Variants in ZNF215 observed in about 807,000 individuals in gnomAD.
The protein encoded by ZNF215 is BWSCR2-associated zinc finger protein 2.
ZNF215 carries 24 observed loss-of-function variants against 27.2 expected under a neutral mutation model. That is an observed-to-expected ratio of 0.88 (90% confidence interval 0.64 to 1.24). The LOEUF (loss-of-function observed/expected upper bound fraction) is 1.24. ZNF215 is among the 50% of genes most tolerant of loss of function. The pLI, the probability that ZNF215 is intolerant of heterozygous loss-of-function variation, is 0.00. For missense variants in ZNF215, 675 were observed against 605.7 expected, an observed-to-expected ratio of 1.11 and a Z score of -1.20; for synonymous variants, 210 against 204.0, an observed-to-expected ratio of 1.03 and a Z score of -0.25.
rs566211192 is a variant in ZNF215 at position 6,954,616 on chromosome 11, G to A, written c.713-1074G>A. ...CGCAGTATTAGGGTGGGAGTGACCC[G>A]ATTTTCCAGGTGCCATCTGTCACCC... is the stretch of plus-strand genomic sequence containing the variant. On this transcript the variant is annotated intron_variant, in intron 6 of 6. Coordinates refer to ENST00000278319, the MANE Select transcript of ZNF215 (RefSeq NM_013250.4). Among the ~76,000 whole-genome samples, 9 of 152,312 alleles carry A rather than the reference G, an allele frequency of 5.9e-5. No individual in the cohort carries two copies. The East Asian group carries it at 1.2e-3, about 20-fold the overall frequency.
chr11:6,965,536 G>C (rs542612107), intron 5 of ZNF215, among the ~76,000 whole-genome samples: 1 of 152,058 alleles, frequency 6.6e-6, no homozygotes, highest in Non-Finnish European at 1.5e-5. Flanking sequence ...TAAAAATACT[G>C]TGTCTTGCAA....
intron 6 of ZNF215, among the ~76,000 whole-genome samples, chr11:6,943,902 T>C (rs950774561): frequency 2.0e-5 from 3 of 151,542 alleles, no homozygotes; most frequent in Admixed American, 1.3e-4. Flanking sequence ...TCCTCATCTG[T>C]AACATAGAGT....
At chr11:6,959,022 C>G (rs1366243743), downstream of ZNF215, among the ~76,000 whole-genome samples, 2 of 152,122 alleles carry the variant, frequency 1.3e-5, no homozygotes, top group African/African-American at 4.8e-5. Context: ...TTGGCAACAC[C>G]CTCACAGTCA....
intron 5 of ZNF215, among the ~76,000 whole-genome samples, chr11:6,978,057 C>G (rs1214132905): frequency 6.6e-6 from 1 of 151,988 alleles, no homozygotes; most frequent in Admixed American, 6.6e-5. Context: ...TTCTAACTAA[C>G]ATTACTAAGC....
intron 5 of ZNF215, among the ~76,000 whole-genome samples, chr11:6,965,933 G>A (rs1850609888): frequency 6.6e-6 from 1 of 152,122 alleles, no homozygotes; most frequent in South Asian, 2.1e-4. Flanking sequence ...AATTAGGTGA[G>A]TTGGAAAGTT....
chr11:6,934,675 A>G (rs1210607855), intron 3 of ZNF215, among the ~76,000 whole-genome samples: 2 of 152,192 alleles, frequency 1.3e-5, no homozygotes, highest in Non-Finnish European at 2.9e-5. Context: ...ACCACACTGG[A>G]AAAGGTTCCT....
At position 6,955,772 on chromosome 11, in the gene ZNF215, T is replaced by C; in HGVS notation, c.795T>C (p.Asp265=). The C allele has an allele frequency of 6.2e-7, 1 of 1,612,128 alleles. No individual in the cohort carries two copies. Among genetic ancestry groups the C allele is most frequent in the East Asian group, 2.2e-5 (1 of 44,858 alleles). The change falls in exon 7 of 7, where the codon GAT becomes GAC. Residue 265 remains aspartate, a synonymous_variant. Coordinates refer to ENST00000278319, the MANE Select transcript of ZNF215 (RefSeq NM_013250.4). ...CCGAAAGTGGACACCCTTCTTCAGA[T>C]GCCTGGAAAGGTGAGAATTGGTTAT... ...RLTESGHPSS[D]AWKGENWLYR...
rs2133303854 is a variant in ZNF215 at position 6,956,740 on chromosome 11, T to G, written c.*209T>G. On this transcript the variant is annotated 3_prime_UTR_variant, in exon 7 of 7. Coordinates refer to ENST00000278319, the MANE Select transcript of ZNF215 (RefSeq NM_013250.4). ...TTTTCCTGGTTTTCAGATGAAGCCA[T>G]AAGGCTTTGGAGTTAAACCACAGTA... 1 of 1,361,848 alleles carries G rather than the reference T, an allele frequency of 7.3e-7. No individual in the cohort carries two copies. Among genetic ancestry groups the G allele is most frequent in the Non-Finnish European group, 9.4e-7 (1 of 1,063,814 alleles). 84.4% of individuals were successfully genotyped at this position (1,361,848 alleles called of 1,614,324 possible). A position where few individuals can be genotyped will look rare whatever the true frequency, so the allele number is the denominator to read the frequency against.
chr11:6,972,408 C>CT (rs11299060), intron 5 of ZNF215, among the ~76,000 whole-genome samples: 1,768 of 148,582 alleles, frequency 0.012, 36 homozygotes, highest in African/African-American at 0.042. Flanking sequence ...TCCTAGGAGA[C>CT]TTTTTTTTTT....
intron 5 of ZNF215, chr11:6,983,996 C>G (rs1851012256): frequency 8.0e-6 from 2 of 249,870 alleles, no homozygotes. Flanking sequence ...ACGCCTAAAA[C>G]ATGATAGTAC....
intron 6 of ZNF215, among the ~76,000 whole-genome samples, chr11:6,952,014 G>A (rs998080013): frequency 2.6e-5 from 4 of 152,184 alleles, no homozygotes; most frequent in Non-Finnish European, 4.4e-5. Context: ...TCAGGAGCAG[G>A]TTGTTTAGTT....
Position 6,956,665 on chromosome 11 carries a change from G to C in ZNF215, c.*134G>C. 3 of 1,397,794 alleles carry C rather than the reference G, an allele frequency of 2.1e-6. No homozygotes were observed. Among genetic ancestry groups the C allele is most frequent in the Non-Finnish European group, 2.8e-6 (3 of 1,083,818 alleles). 86.6% of individuals were successfully genotyped at this position (1,397,794 alleles called of 1,614,324 possible). On this transcript the variant is annotated 3_prime_UTR_variant, in exon 7 of 7. Coordinates refer to ENST00000278319, the MANE Select transcript of ZNF215 (RefSeq NM_013250.4). ...AGATTTTTCTTTAAATGATATCACA[G>C]AATTAATGTTGGATAGAAATATCAT...
chr11:6,969,386 C>A (rs1302009446), intron 5 of ZNF215, among the ~76,000 whole-genome samples: 1 of 152,100 alleles, frequency 6.6e-6, no homozygotes, highest in African/African-American at 2.4e-5. Flanking sequence ...TCCTGATTAT[C>A]TTAATCTCTG....
chr11:6,956,039 A>C lies in ZNF215; in HGVS notation c.1062A>C (p.Glu354Asp). 6.2e-7 allele frequency: 1 copy of C among 1,609,042 alleles called. No individual in the cohort carries two copies. The change falls in exon 7 of 7, where the codon GAA (glutamate) becomes GAC (aspartate). Residue 354 changes from glutamate to aspartate, a missense_variant. Glu to Asp is a conservative substitution (Grantham distance 45). Transcript: ENST00000278319. ...ACTCAGTAGGTAAGCAACATTCAGA[A>C]TATGAATATGGGAATGACTTGAGTT... ...NLDSVGKQHS[E>D]YEYGNDLSLS...
intron 5 of ZNF215, among the ~76,000 whole-genome samples, chr11:6,980,419 T>C (rs1220889821): frequency 2.0e-5 from 3 of 152,016 alleles, no homozygotes; most frequent in Admixed American, 6.6e-5. Flanking sequence ...GTTGCAATCG[T>C]TTAAAATACT....
chr11:6,950,104 G>C (rs1316131402), intron 6 of ZNF215, among the ~76,000 whole-genome samples: 2 of 151,564 alleles, frequency 1.3e-5, no homozygotes, highest in African/African-American at 4.9e-5. Flanking sequence ...CTCTGTTTTG[G>C]TACCAGTATC....
chr11:6,961,481 C>T (rs1388843022), downstream of ZNF215, among the ~76,000 whole-genome samples: 2 of 152,136 alleles, frequency 1.3e-5, no homozygotes, highest in Admixed American at 6.6e-5. Context: ...TGCCCAAATT[C>T]TCAGCTTCAT....
At chr11:6,982,743 G>A (rs1367047220) in intron 5 of ZNF215, among the ~76,000 whole-genome samples, 2 of 151,902 alleles carry the variant, frequency 1.3e-5, no homozygotes, top group African/African-American at 2.4e-5. Flanking sequence ...GAATCTCTGG[G>A]ACACATTCAA....
At chr11:6,943,477 C>G (rs1358322915) in intron 5 of ZNF215, 69 bp from the exon 6 acceptor site, 11 of 1,408,962 alleles carry the variant, frequency 7.8e-6, no homozygotes, top group Non-Finnish European at 1.1e-5. Flanking sequence ...GAATTATCTT[C>G]TCTATAAAAA....
Sources: gnomAD v4.1 joint callset for allele counts (sites outside exome capture counted in the v4.1 genomes callset) on GRCh38, gnomAD v4.1.1 for gene constraint, MANE v1.5 for transcripts, NCBI Gene and HGNC (gene_info 2026-07-23, HGNC 2026-07-21) for gene names.